The following DGKG variants were observed in gnomAD, a reference collection of about 807,000 sequenced individuals.
DGKG encodes the protein diacylglycerol kinase gamma.
A neutral mutation model predicts 105.3 loss-of-function variants in DGKG; 78 were observed. The ratio of observed to expected loss-of-function variants is 0.74; its 90% CI spans 0.62 to 0.89. The LOEUF is 0.89. Among genes scored for constraint, DGKG ranks in the 40% least tolerant of loss-of-function variants. The pLI is 0.00. For missense variants in DGKG, 958 were observed against 1,020.1 expected (o/e 0.94, Z 0.83); for synonymous variants, 346 against 367.1 (o/e 0.94, Z 0.66).
intron 1 of DGKG, among the ~76,000 whole-genome samples, chr3:186,344,629 T>C (rs1448125907): frequency 6.6e-6 from 1 of 152,126 alleles, no homozygotes; most frequent in African/African-American, 2.4e-5. Context: ...GCAGGAAAGA[T>C]AACTATTGGG....
At chr3:186,322,952 A>ACTGT (rs1725152035) in intron 1 of DGKG, among the ~76,000 whole-genome samples, 1 of 152,102 alleles carries the variant, frequency 6.6e-6, no homozygotes, top group Non-Finnish European at 1.5e-5. Context: ...CCGGAGTTTG[A>ACTGT]CTGTCCACTG....
Position 186,231,013 on chromosome 3 carries a change from G to C in DGKG, c.1826+11491C>G, listed in dbSNP as rs1274896324. ...TCTTTAATATGTCTCCAGGCCAGAA[G>C]ATTCCTGCTCCCATCCAAAAGAGAA... On this transcript the variant is annotated intron_variant, in intron 20 of 24. Transcript: ENST00000265022. This position sits in a 1 kb window ranked among gnomAD's most constrained non-coding sequence, Gnocchi z 4.5. 6.6e-6 allele frequency among the ~76,000 whole-genome samples: 1 copy of C among 152,188 alleles called. No individual in the cohort carries two copies. Among genetic ancestry groups the C allele is most frequent in the South Asian group, 2.1e-4 (1 of 4,818 alleles).
At position 186,162,187 on chromosome 3, in the gene DGKG, C is replaced by A. The variant is rs926827445; in HGVS notation, c.2217-524G>T. ...CTGGGATTACAGGCATGAGCCACTGCGCTCGGCCGGGTCTGTGTTTTAATA... is the reference window on the plus strand; with the variant it reads ...CTGGGATTACAGGCATGAGCCACTGAGCTCGGCCGGGTCTGTGTTTTAATA... On this transcript the variant is annotated intron_variant, in intron 23 of 24. Transcript: ENST00000265022. Among the ~76,000 whole-genome samples the A allele has an allele frequency of 2.0e-5, 3 of 152,204 alleles. No homozygotes were observed. In the East Asian group the frequency reaches 5.8e-4, roughly 29 times the overall value.
At chr3:186,334,747 G>A (rs1725749987) in intron 1 of DGKG, among the ~76,000 whole-genome samples, 1 of 152,096 alleles carries the variant, frequency 6.6e-6, no homozygotes, top group South Asian at 2.1e-4. Context: ...GAAACACGGA[G>A]GTTAAGTAAC....
At chr3:186,264,424 C>T (rs1022532752) in intron 14 of DGKG, among the ~76,000 whole-genome samples, 38 of 152,068 alleles carry the variant, frequency 2.5e-4, no homozygotes, top group African/African-American at 7.5e-4. Flanking sequence ...CCACCACGCC[C>T]GGCTAATTTT....
chr3:186,185,850 A>G (rs1224040751), intron 22 of DGKG, among the ~76,000 whole-genome samples: 2 of 151,964 alleles, frequency 1.3e-5, no homozygotes, highest in Non-Finnish European at 2.9e-5. Context: ...TAATCCCAGC[A>G]CTTTGGGAGG....
intron 24 of DGKG, among the ~76,000 whole-genome samples, chr3:186,156,292 T>C (rs1226719343): frequency 2.0e-5 from 3 of 152,146 alleles, no homozygotes; most frequent in African/African-American, 7.2e-5. Context: ...TTTTGGAATA[T>C]AGTTTGAGGT....
At position 186,320,446 on chromosome 3, in the gene DGKG, C is replaced by T. The variant is rs578252543; in HGVS notation, c.14G>A (p.Arg5Gln). 125 of 1,614,116 alleles carry T rather than the reference C, an allele frequency of 7.7e-5. No homozygotes were observed. Among genetic ancestry groups the T allele is most frequent in the East Asian group, 3.3e-4 (15 of 44,884 alleles). ...TTCTTCTGGAGTGAGGGAGACCCAC[C>T]GTTCTTCACCCATTTTTAAACTTTA... MGEE[R>Q]WVSLTPEEFD... Residue 5 changes from arginine (R) to glutamine (Q), a missense_variant, in exon 2 of 25, where the codon CGG (arginine) becomes CAG (glutamine). Physicochemically the swap from Arg to Gln is conservative, Grantham distance 43. This residue lies in a region of DGKG where 643 missense variants were observed against 619.5 expected (regional missense o/e 1.04). Coordinates refer to ENST00000265022, the MANE Select transcript of DGKG (RefSeq NM_001346.3).
chr3:186,288,566 A>T, intron 6 of DGKG, 144 bp downstream of exon 6: 1 of 803,414 alleles, frequency 1.2e-6, no homozygotes, highest in Non-Finnish European at 2.0e-6. Context: ...CACTTTTGGT[A>T]ACAGGACAAA....
chr3:186,272,684 AT>A (rs1263502716), intron 10 of DGKG, among the ~76,000 whole-genome samples: 3 of 152,192 alleles, frequency 2.0e-5, no homozygotes, highest in African/African-American at 7.2e-5. Context: ...ACTGTATTGC[AT>A]GCCCGGGACA....
chr3:186,256,534 G>A (rs557683406), intron 17 of DGKG, among the ~76,000 whole-genome samples: 2 of 152,232 alleles, frequency 1.3e-5, no homozygotes, highest in South Asian at 2.1e-4. Flanking sequence ...TGATCTCCCC[G>A]CTTCTGCCCT....
intron 22 of DGKG, among the ~76,000 whole-genome samples, chr3:186,166,627 A>ATGTGTGTGTG (rs5855082): frequency 3.3e-5 from 5 of 149,914 alleles, no homozygotes; most frequent in African/African-American, 1.2e-4. Flanking sequence ...TGGGCTATAA[A>ATGTGTGTGTG]TGTGTGTGTG....
chr3:186,331,350 C>G (rs1265822250), intron 1 of DGKG, among the ~76,000 whole-genome samples: 2 of 152,080 alleles, frequency 1.3e-5, no homozygotes, highest in Non-Finnish European at 2.9e-5. Context: ...GAATTAAAGC[C>G]CTTGGGGAAC....
At chr3:186,157,742 C>T (rs1716105482) in intron 24 of DGKG, among the ~76,000 whole-genome samples, 1 of 152,160 alleles carries the variant, frequency 6.6e-6, no homozygotes. Flanking sequence ...CTCACTCCAT[C>T]GCCCAGGCTG....
intron 22 of DGKG, among the ~76,000 whole-genome samples, chr3:186,168,036 G>T (rs564909576): frequency 1.3e-4 from 20 of 152,288 alleles, no homozygotes; most frequent in African/African-American, 4.8e-4. Context: ...GGATGAATGA[G>T]CGCCAAGGTA....
At chr3:186,185,971 G>A (rs561736460) in intron 22 of DGKG, among the ~76,000 whole-genome samples, 17 of 151,500 alleles carry the variant, frequency 1.1e-4, no homozygotes, top group African/African-American at 3.9e-4. Flanking sequence ...GATGGTGCAC[G>A]CCTGTAATCC....
chr3:186,249,212 C>T (rs913080147), intron 19 of DGKG, among the ~76,000 whole-genome samples: 6 of 152,034 alleles, frequency 3.9e-5, no homozygotes, highest in Admixed American at 6.6e-5. Context: ...CAGCTGAGGC[C>T]GGGGATCCAG....
intron 3 of DGKG, among the ~76,000 whole-genome samples, chr3:186,305,288 G>C (rs1011008842): frequency 1.3e-5 from 2 of 152,222 alleles, no homozygotes; most frequent in African/African-American, 2.4e-5. Context: ...CTTGAGCATA[G>C]ACTGGAAGGT....
intron 20 of DGKG, among the ~76,000 whole-genome samples, chr3:186,212,222 A>T (rs760728422): frequency 7.7e-4 from 118 of 152,310 alleles, no homozygotes; most frequent in Admixed American, 7.2e-4. Context: ...GGCAAATATC[A>T]ATACAGTGCT....
Sources: gnomAD v4.1 joint callset for allele counts (sites outside exome capture counted in the v4.1 genomes callset) on GRCh38, gnomAD v4.1.1 for gene constraint, gnomAD v4.1.1 regional missense constraint, Gnocchi (gnomAD v3.1) non-coding constraint, MANE v1.5 for transcripts, NCBI Gene and HGNC (gene_info 2026-07-23, HGNC 2026-07-21) for gene names.